The following METTL25 variants were observed in gnomAD, a reference collection of about 807,000 sequenced individuals.
METTL25 encodes the protein probable methyltransferase-like protein 25.
METTL25 carries 64 observed loss-of-function variants against 71.6 expected under a neutral mutation model. The ratio of observed to expected loss-of-function variants is 0.89; its 90% CI spans 0.73 to 1.10. The LOEUF (loss-of-function observed/expected upper bound fraction) is 1.10, where lower values mean the gene tolerates loss of function less well. METTL25 is among the 50% of genes least tolerant of loss of function. The probability of loss-of-function intolerance (pLI) is 0.00; values close to 1 mark genes in which losing one functional copy is unlikely to be tolerated. For synonymous variants in METTL25, 287 were observed against 250.3 expected (o/e 1.15, Z -1.38); for missense variants, 807 against 707.0 (o/e 1.14, Z -1.60).
At chr12:82,458,999 A>G (rs1170455127) in intron 9 of METTL25, among the ~76,000 whole-genome samples, 3 of 152,068 alleles carry the variant, frequency 2.0e-5, no homozygotes, top group African/African-American at 7.2e-5. Context: ...ATTGAAAATC[A>G]TTTCCCCTCC....
chr12:82,416,922 A>G (rs1888035863), intron 5 of METTL25, among the ~76,000 whole-genome samples: 1 of 152,168 alleles, frequency 6.6e-6, no homozygotes, highest in South Asian at 2.1e-4. Context: ...ACCTGAAATG[A>G]AAATCAAGAA....
intron 5 of METTL25, among the ~76,000 whole-genome samples, chr12:82,416,588 G>C (rs542552261): frequency 2.0e-4 from 30 of 151,708 alleles, no homozygotes; most frequent in African/African-American, 7.2e-4. Flanking sequence ...CTACTGGTGC[G>C]TGACACCACA....
At chr12:82,368,171 T>C (rs931535904) in intron 1 of METTL25, among the ~76,000 whole-genome samples, 1 of 152,080 alleles carries the variant, frequency 6.6e-6, no homozygotes, top group African/African-American at 2.4e-5. Flanking sequence ...TGTGTTATCT[T>C]GCACAGGGCA....
intron 3 of METTL25, among the ~76,000 whole-genome samples, chr12:82,394,888 T>C (rs563355482): frequency 7.9e-5 from 12 of 151,904 alleles, no homozygotes; most frequent in African/African-American, 2.9e-4. Flanking sequence ...GGAAAAACTT[T>C]TCTTATAGAG....
chr12:82,476,770 A>G (rs1283185515), intron 10 of METTL25, 52 bp downstream of exon 10: 1 of 1,181,466 alleles, frequency 8.5e-7, no homozygotes, highest in Non-Finnish European at 1.2e-6. Context: ...AGACTTGAAT[A>G]GGGTCCTATT....
At chr12:82,447,959 T>C (rs1054492854) in intron 8 of METTL25, among the ~76,000 whole-genome samples, 1 of 152,072 alleles carries the variant, frequency 6.6e-6, no homozygotes, top group Non-Finnish European at 1.5e-5. Flanking sequence ...TAAAGTCATA[T>C]AGCCTGAAAG....
chr12:82,382,453 A>T (rs1884529852), intron 1 of METTL25, among the ~76,000 whole-genome samples: 1 of 152,178 alleles, frequency 6.6e-6, no homozygotes. Flanking sequence ...AAGTCCTTGT[A>T]GTGGCCTCAG....
At chr12:82,390,601 A>G (rs2136962328) in intron 3 of METTL25, among the ~76,000 whole-genome samples, 1 of 152,162 alleles carries the variant, frequency 6.6e-6, no homozygotes, top group South Asian at 2.1e-4. Flanking sequence ...TTTATTAGGT[A>G]TTAGAATCTT....
intron 6 of METTL25, 82 bp from the exon 7 acceptor site, chr12:82,434,613 T>A: frequency 8.6e-7 from 1 of 1,156,978 alleles, no homozygotes; most frequent in Non-Finnish European, 1.3e-6. Context: ...AAATGTCAGT[T>A]TTACAAACTC....
chr12:82,409,945 T>G (rs1315246393), intron 5 of METTL25, among the ~76,000 whole-genome samples: 1 of 151,718 alleles, frequency 6.6e-6, no homozygotes, highest in Non-Finnish European at 1.5e-5. Context: ...CTAGTGTAGA[T>G]TGTTTCTTAA....
Position 82,386,685 on chromosome 12 carries a change from A to G in METTL25, c.260-118A>G, listed in dbSNP as rs547928317. 5.8e-5 allele frequency: 49 copies of G among 846,096 alleles called. 1 individual carries two copies. The South Asian group carries it at 8.1e-4, about 14-fold the overall frequency. The allele number at this position is 846,096 out of a possible 1,614,324, so 52.4% of individuals were successfully genotyped here. A position where few individuals can be genotyped will look rare whatever the true frequency, so the allele number is the denominator to read the frequency against. On this transcript the variant is annotated intron_variant, in intron 1 of 11. Transcript: ENST00000248306. The stretch of plus-strand genomic sequence containing the variant: ...ATTAGATATATTGCCAAAATTCACA[A>G]CAAAATGAAAATATTGGCATTTGTT...
At chr12:82,401,299 T>C (rs189348877) in intron 4 of METTL25, among the ~76,000 whole-genome samples, 89 of 152,228 alleles carry the variant, frequency 5.8e-4, no homozygotes, top group African/African-American at 2.0e-3. Flanking sequence ...TATAAAAATG[T>C]GTTTGAGAAA....
At chr12:82,422,391 C>T (rs563681619) in intron 5 of METTL25, among the ~76,000 whole-genome samples, 6 of 152,188 alleles carry the variant, frequency 3.9e-5, no homozygotes, top group East Asian at 3.9e-4. Flanking sequence ...ATTGATGGGA[C>T]GTATTTAAAA....
Position 82,404,816 on chromosome 12 carries a change from C to G in METTL25, c.1279+1686C>G, listed in dbSNP as rs1006564808. ...AAAATTAGCTGGCCATGGTGGTGGA[C>G]GCCTGTAATCGCAGCTACCCTGGGG... On this transcript the variant is annotated intron_variant, in intron 5 of 11. Transcript: ENST00000248306. Among the ~76,000 whole-genome samples, 11 of 152,118 alleles carry G rather than the reference C, an allele frequency of 7.2e-5. No individual in the cohort carries two copies. In the East Asian group the frequency reaches 1.9e-3, roughly 27 times the overall value.
At chr12:82,460,320 A>G (rs1166167355) in intron 9 of METTL25, among the ~76,000 whole-genome samples, 3 of 152,234 alleles carry the variant, frequency 2.0e-5, no homozygotes, top group African/African-American at 7.2e-5. Flanking sequence ...TAATTTATAT[A>G]GATATTTCCT....
chr12:82,384,390 TCTC>T (rs1374068279), intron 1 of METTL25, among the ~76,000 whole-genome samples: 7 of 151,406 alleles, frequency 4.6e-5, no homozygotes, highest in African/African-American at 1.5e-4. Context: ...TCTCTCTCTC[TCTC>T]TCTGTCTTCC....
intron 5 of METTL25, among the ~76,000 whole-genome samples, chr12:82,419,761 G>A (rs941442419): frequency 6.6e-6 from 1 of 150,576 alleles, no homozygotes; most frequent in Non-Finnish European, 1.5e-5. Flanking sequence ...ACACTGTTGG[G>A]AGGAATGTAA....
At chr12:82,415,359 A>G (rs1314080175) in intron 5 of METTL25, among the ~76,000 whole-genome samples, 2 of 152,120 alleles carry the variant, frequency 1.3e-5, no homozygotes, top group Non-Finnish European at 2.9e-5. Flanking sequence ...TAGTACATTG[A>G]TCATATAAAG....
In METTL25 at chr12:82,438,764, T is replaced by C. The variant is rs1356869627; in HGVS notation, c.1451T>C (p.Ile484Thr). 3.9e-6 allele frequency: 6 copies of C among 1,532,686 alleles called. No homozygotes were observed. Among genetic ancestry groups the C allele is most frequent in the African/African-American group, 1.4e-5 (1 of 72,256 alleles). 94.9% of individuals were successfully genotyped at this position (1,532,686 alleles called of 1,614,324 possible). Residue 484 changes from isoleucine (I) to threonine (T), a missense_variant, in exon 8 of 12, where the codon ATT (isoleucine) becomes ACT (threonine). By Grantham distance (89) the Ile-to-Thr change is moderately conservative (BLOSUM62 -1). Transcript: ENST00000248306. ...LFYRAVLQDI[I>T]KDCYGITKCD... ...TATCGTGCTGTTCTTCAGGATATTA[T>C]TAAAGATTGTTATGGCATCACCAAA...
Sources: allele counts gnomAD v4.1 joint callset (sites outside exome capture counted in the v4.1 genomes callset), GRCh38; gene constraint gnomAD v4.1.1; transcripts MANE v1.5; gene names NCBI Gene and HGNC (gene_info 2026-07-23, HGNC 2026-07-21).